The following CTNNA3 variants were observed in gnomAD, a reference collection of about 807,000 sequenced individuals.
The protein encoded by CTNNA3 is catenin alpha 3.
In CTNNA3, 76 loss-of-function variants were observed where a neutral mutation model predicts 95.7. The ratio of observed to expected loss-of-function variants is 0.79; its 90% CI spans 0.66 to 0.96. The LOEUF is 0.96. CTNNA3 is among the 40% of genes least tolerant of loss of function. CTNNA3 has a pLI of 0.00. For synonymous variants in CTNNA3, 431 were observed against 374.4 expected, an observed-to-expected ratio of 1.15 and a Z score of -1.74; for missense variants, 1,191 against 1,089.8, an observed-to-expected ratio of 1.09 and a Z score of -1.31.
At chr10:67,675,963 T>C (rs976822582) in intron 1 of CTNNA3, among the ~76,000 whole-genome samples, 11 of 152,162 alleles carry the variant, frequency 7.2e-5, no homozygotes, top group African/African-American at 2.7e-4. Context: ...ATATATTCTA[T>C]ATTTTCCTCT....
intron 13 of CTNNA3, among the ~76,000 whole-genome samples, chr10:66,159,435 A>G (rs1289119129): frequency 6.6e-6 from 1 of 151,466 alleles, no homozygotes; most frequent in African/African-American, 2.4e-5. Flanking sequence ...TTTATTTTTG[A>G]TTCTGTTTAT....
chr10:66,315,412 C>A (rs1190797048), intron 12 of CTNNA3, among the ~76,000 whole-genome samples: 1 of 151,832 alleles, frequency 6.6e-6, no homozygotes, highest in African/African-American at 2.4e-5. Context: ...ATTTTATGAA[C>A]AATGAAAGTC....
At chr10:67,438,032 T>TA (rs574099763) in intron 5 of CTNNA3, among the ~76,000 whole-genome samples, 2,950 of 149,194 alleles carry the variant, frequency 0.02, 49 homozygotes, top group Non-Finnish European at 0.028. Flanking sequence ...TTAAACTTGC[T>TA]AAAAAAAAAG....
intron 16 of CTNNA3, among the ~76,000 whole-genome samples, chr10:65,986,501 T>C (rs191753670): frequency 2.0e-5 from 3 of 151,316 alleles, no homozygotes; most frequent in Admixed American, 2.0e-4. Context: ...TAGAAATCAA[T>C]ATAACTAAAG....
At chr10:67,636,875 A>T (rs4388767) in intron 2 of CTNNA3, among the ~76,000 whole-genome samples, 20,197 of 152,150 alleles carry the variant, frequency 0.13, 2,416 homozygotes, top group African/African-American at 0.32. Flanking sequence ...CGTCACCATC[A>T]TCAAAGACCA....
intron 13 of CTNNA3, among the ~76,000 whole-genome samples, chr10:66,247,787 G>A (rs780012598): frequency 6.6e-5 from 10 of 152,144 alleles, no homozygotes; most frequent in Non-Finnish European, 1.0e-4. Flanking sequence ...TACTTTCACA[G>A]ACAAACAAAA....
At chr10:66,963,327 T>C (rs1027921984) in intron 7 of CTNNA3, among the ~76,000 whole-genome samples, 4 of 152,174 alleles carry the variant, frequency 2.6e-5, no homozygotes, top group Admixed American at 6.5e-5. Context: ...ACTGGGAAAT[T>C]ATTTACCTCT....
At chr10:67,698,988 A>G (rs766336658), upstream of CTNNA3, among the ~76,000 whole-genome samples, 46 of 151,988 alleles carry the variant, frequency 3.0e-4, no homozygotes, top group Non-Finnish European at 5.9e-5. Context: ...CTATAAACCC[A>G]CTAACACCGA....
At chr10:66,931,462 A>G (rs1847386878) in intron 7 of CTNNA3, among the ~76,000 whole-genome samples, 1 of 152,198 alleles carries the variant, frequency 6.6e-6, no homozygotes, top group African/African-American at 2.4e-5. Context: ...CATCTTTTCA[A>G]AGAATTTAAA....
At chr10:66,051,656 A>G (rs2079961797) in intron 15 of CTNNA3, among the ~76,000 whole-genome samples, 1 of 152,242 alleles carries the variant, frequency 6.6e-6, no homozygotes, top group Non-Finnish European at 1.5e-5. Flanking sequence ...ATAAACAAAA[A>G]TACTTTTAAT....
At chr10:67,279,332 T>C (rs140872803) in intron 5 of CTNNA3, among the ~76,000 whole-genome samples, 72 of 152,300 alleles carry the variant, frequency 4.7e-4, no homozygotes, top group African/African-American at 1.7e-3. Flanking sequence ...GAGACAGGTC[T>C]CAATCAATTT....
intron 7 of CTNNA3, among the ~76,000 whole-genome samples, chr10:67,171,139 A>G (rs2132113459): frequency 6.6e-6 from 1 of 152,332 alleles, no homozygotes; most frequent in African/African-American, 2.4e-5. Flanking sequence ...GTGCTGGCTA[A>G]TAAAATAAAC....
chr10:66,867,810 A>G (rs982471667), intron 7 of CTNNA3, among the ~76,000 whole-genome samples: 1 of 151,596 alleles, frequency 6.6e-6, no homozygotes, highest in African/African-American at 2.4e-5. Flanking sequence ...ATTTACATTT[A>G]AAAAGAATAG....
At chr10:65,953,417 G>A (rs531177827) in intron 17 of CTNNA3, among the ~76,000 whole-genome samples, 26 of 151,272 alleles carry the variant, frequency 1.7e-4, no homozygotes, top group African/African-American at 6.3e-4. Flanking sequence ...TTAAGTTCTA[G>A]GATACATGTG....
At chr10:67,702,662 CA>C (rs1392922045) in intron 1 of CTNNA3, among the ~76,000 whole-genome samples, 14 of 152,102 alleles carry the variant, frequency 9.2e-5, no homozygotes, top group African/African-American at 3.4e-4. Flanking sequence ...TAAATGCCCA[CA>C]AGAGAAAGCA....
intron 10 of CTNNA3, among the ~76,000 whole-genome samples, chr10:66,592,100 C>CA (rs34776713): frequency 0.029 from 3,423 of 116,204 alleles, 95 homozygotes; most frequent in African/African-American, 0.082. Flanking sequence ...TCTAGCTTGG[C>CA]AAAAAAAAAA....
chr10:66,936,752 T>C (rs1847723293), intron 7 of CTNNA3, among the ~76,000 whole-genome samples: 1 of 152,104 alleles, frequency 6.6e-6, no homozygotes, highest in African/African-American at 2.4e-5. Context: ...CATATTGAAA[T>C]TCCTCCATCC....
chr10:67,044,331 G>T (rs1463600053), intron 7 of CTNNA3, among the ~76,000 whole-genome samples: 3 of 152,030 alleles, frequency 2.0e-5, no homozygotes, highest in African/African-American at 7.3e-5. Flanking sequence ...TTTCCAAAAC[G>T]TTTAAAGTTT....
chr10:67,194,052 T>C (rs1236496886), intron 6 of CTNNA3, among the ~76,000 whole-genome samples: 1 of 152,096 alleles, frequency 6.6e-6, no homozygotes, highest in East Asian at 1.9e-4. Context: ...TGCATTTCTC[T>C]AAGATCAGTG....
Sources: gnomAD v4.1 joint callset for allele counts (sites outside exome capture counted in the v4.1 genomes callset) on GRCh38, gnomAD v4.1.1 for gene constraint, MANE v1.5 for transcripts, NCBI Gene and HGNC (gene_info 2026-07-23, HGNC 2026-07-21) for gene names.